The following ANKRD28 variants were observed in gnomAD, a reference collection of about 807,000 sequenced individuals.
ANKRD28 encodes the protein ankyrin repeat domain 28, also known as serine/threonine-protein phosphatase 6 regulatory ankyrin repeat subunit A.
ANKRD28 carries 44 observed loss-of-function variants against 126.5 expected under a neutral mutation model. That is an observed-to-expected ratio of 0.35 (90% CI 0.27 to 0.45). The LOEUF (loss-of-function observed/expected upper bound fraction) is 0.45, where lower values mean the gene tolerates loss of function less well. Among genes scored for constraint, ANKRD28 ranks in the 20% least tolerant of loss-of-function variants. ANKRD28 has a pLI of 1.00. For synonymous variants in ANKRD28, 442 were observed against 468.5 expected (o/e 0.94, Z 0.73); for missense variants, 1,110 against 1,316.6 (o/e 0.84, Z 2.43).
At chr3:15,778,436 G>A (rs1002165655) in intron 2 of ANKRD28, among the ~76,000 whole-genome samples, 1 of 152,068 alleles carries the variant, frequency 6.6e-6, no homozygotes, top group Non-Finnish European at 1.5e-5. Context: ...AAAAAAATCT[G>A]TTTTTTGGCT....
intron 4 of ANKRD28, among the ~76,000 whole-genome samples, chr3:15,746,199 T>C (rs1553617273): frequency 1.3e-5 from 2 of 152,200 alleles, no homozygotes. Flanking sequence ...ATGCCCTTTA[T>C]TTCATTCTCT....
chr3:15,839,332 G>T lies in ANKRD28; in HGVS notation c.27+20045C>A, dbSNP rs78717352. ...CAGCTCTTTTAATCCAACTTAAAAG[G>T]CTGATCAGCTGTTCAGGACCTTAGC... On this transcript the variant is annotated intron_variant, in intron 1 of 27. Transcript: ENST00000399451. This position sits in a 1 kb window ranked among gnomAD's most constrained non-coding sequence, Gnocchi z 4.3. Among the ~76,000 whole-genome samples, 52 of 151,708 alleles carry T rather than the reference G, an allele frequency of 3.4e-4. No individual in the cohort carries two copies. The East Asian group carries it at 9.9e-3, about 29-fold the overall frequency.
intron 4 of ANKRD28, among the ~76,000 whole-genome samples, chr3:15,747,125 T>C (rs1036464252): frequency 2.0e-5 from 3 of 152,116 alleles, no homozygotes; most frequent in African/African-American, 7.2e-5. Flanking sequence ...CAGTGTTATT[T>C]ACCTTTTCAA....
intron 1 of ANKRD28, among the ~76,000 whole-genome samples, chr3:15,855,970 C>T (rs901045019): frequency 3.9e-5 from 6 of 152,204 alleles, no homozygotes; most frequent in African/African-American, 1.4e-4. Context: ...TTTGACCACA[C>T]TGGCTGTTTT....
At chr3:15,736,902 G>A in intron 5 of ANKRD28, 131 bp downstream of exon 5, 1 of 926,506 alleles carries the variant, frequency 1.1e-6, no homozygotes, top group East Asian at 2.4e-5. Context: ...TATAAAAGGA[G>A]GCAAAATTAG....
chr3:15,810,050 G>A (rs767967769), intron 1 of ANKRD28, among the ~76,000 whole-genome samples: 7 of 152,202 alleles, frequency 4.6e-5, no homozygotes, highest in Middle Eastern at 3.4e-3. Flanking sequence ...GAAGGGTGTT[G>A]AATGACACCG....
chr3:15,786,995 G>C (rs1022414761), intron 2 of ANKRD28, among the ~76,000 whole-genome samples: 1 of 152,010 alleles, frequency 6.6e-6, no homozygotes, highest in Non-Finnish European at 1.5e-5. Context: ...TTGTTAACTT[G>C]ATGAAAAGAT....
upstream of ANKRD28, among the ~76,000 whole-genome samples, chr3:15,799,522 A>G (rs1460027952): frequency 1.3e-5 from 2 of 152,082 alleles, no homozygotes; most frequent in Admixed American, 6.6e-5. Flanking sequence ...AGGTATGTAA[A>G]TATTGAACAT....
At chr3:15,804,217 A>G (rs1305696485) in intron 1 of ANKRD28, among the ~76,000 whole-genome samples, 1 of 144,816 alleles carries the variant, frequency 6.9e-6, no homozygotes, top group African/African-American at 2.6e-5. Flanking sequence ...TCTAACCAGT[A>G]CAAGATAAAA....
chr3:15,824,570 A>G (rs1043370798), intron 1 of ANKRD28, among the ~76,000 whole-genome samples: 3 of 152,254 alleles, frequency 2.0e-5, no homozygotes, highest in Non-Finnish European at 2.9e-5. Flanking sequence ...TGAACAATCC[A>G]AAAATAAGAA....
At chr3:15,675,221 A>C (rs2066809881) in intron 27 of ANKRD28, among the ~76,000 whole-genome samples, 1 of 152,168 alleles carries the variant, frequency 6.6e-6, no homozygotes, top group African/African-American at 2.4e-5. Context: ...CAGTAAGCCG[A>C]GATCATGGCA....
rs76662941 is a variant in ANKRD28 at position 15,849,686 on chromosome 3, C to T, written c.27+9691G>A. Among the ~76,000 whole-genome samples, 230 of 152,162 alleles carry T rather than the reference C, an allele frequency of 1.5e-3. 2 individuals carry two copies. The highest frequency in any genetic ancestry group is 0.011 in the East Asian group (57 of 5,172). ...CCTTATCTTCTACCTGTTTCACACCCCTCCCCAATATATCTCCTAGTTAAC... is the reference window on the plus strand; with the variant it reads ...CCTTATCTTCTACCTGTTTCACACCTCTCCCCAATATATCTCCTAGTTAAC... On this transcript the variant is annotated intron_variant, in intron 1 of 27. Transcript: ENST00000399451.
chr3:15,678,917 T>C (rs1172303413), intron 23 of ANKRD28, among the ~76,000 whole-genome samples: 2 of 152,222 alleles, frequency 1.3e-5, no homozygotes, highest in Non-Finnish European at 2.9e-5. Flanking sequence ...ATGGGTTTTC[T>C]GTAAATTCTC....
chr3:15,684,654 T>C (rs7616648), intron 21 of ANKRD28: 27,240 of 152,006 alleles, frequency 0.18, 3,703 homozygotes, highest in East Asian at 0.58. Flanking sequence ...GGGAGTCTGA[T>C]GTGGGAGGAT....
chr3:15,729,286 T>G (rs2074407054), intron 6 of ANKRD28, among the ~76,000 whole-genome samples: 1 of 152,194 alleles, frequency 6.6e-6, no homozygotes, highest in Admixed American at 6.5e-5. Context: ...CCTCTGTGTC[T>G]TTGTTCATGT....
At chr3:15,679,235 G>T in intron 23 of ANKRD28, 66 bp downstream of exon 23, 1 of 1,472,160 alleles carries the variant, frequency 6.8e-7, no homozygotes, top group Non-Finnish European at 9.5e-7. Context: ...CTCCCAGATT[G>T]TTAGGATTAT....
At chr3:15,730,503 A>G (rs751795124) in intron 6 of ANKRD28, among the ~76,000 whole-genome samples, 3 of 152,228 alleles carry the variant, frequency 2.0e-5, no homozygotes, top group South Asian at 2.1e-4. Context: ...AAGACTACAC[A>G]TAATCCCCAA....
intron 1 of ANKRD28, among the ~76,000 whole-genome samples, chr3:15,804,923 T>C (rs1377277104): frequency 6.9e-6 from 1 of 145,210 alleles, no homozygotes; most frequent in African/African-American, 2.6e-5. Flanking sequence ...AAGGTTTTTA[T>C]AGACAGGCAG....
chr3:15,837,435 CA>C (rs1023389186), intron 1 of ANKRD28, among the ~76,000 whole-genome samples: 1 of 151,706 alleles, frequency 6.6e-6, no homozygotes, highest in Non-Finnish European at 1.5e-5. Context: ...TGAACTGATA[CA>C]AAAAAATGTT....
Sources: gnomAD v4.1 joint callset for allele counts (sites outside exome capture counted in the v4.1 genomes callset) on GRCh38, gnomAD v4.1.1 for gene constraint, Gnocchi (gnomAD v3.1) non-coding constraint, MANE v1.5 for transcripts, NCBI Gene and HGNC (gene_info 2026-07-23, HGNC 2026-07-21) for gene names.